Variants in CADM1 observed in about 807,000 individuals in gnomAD.
CADM1 encodes TSLC-1.
A neutral mutation model predicts 53.1 loss-of-function variants in CADM1; 15 were observed. The observed-to-expected ratio is 0.28, with a 90% confidence interval of 0.19 to 0.44. The LOEUF (loss-of-function observed/expected upper bound fraction) is 0.44. Ranked by LOEUF, CADM1 falls within the 20% of genes least tolerant of loss-of-function variation. The pLI is 1.00. For missense variants in CADM1, 434 were observed against 611.3 expected (o/e 0.71, Z 3.06); for synonymous variants, 281 against 243.0 (o/e 1.16, Z -1.45).
intron 1 of CADM1, among the ~76,000 whole-genome samples, chr11:115,319,928 G>A (rs905644842): frequency 6.6e-6 from 1 of 152,074 alleles, no homozygotes. Context: ...TTATCTTCCT[G>A]TTGGGGCCTT....
At chr11:115,433,947 A>G (rs1404561900) in intron 1 of CADM1, among the ~76,000 whole-genome samples, 1 of 152,234 alleles carries the variant, frequency 6.6e-6, no homozygotes, top group Non-Finnish European at 1.5e-5. Context: ...CAATGTTTCA[A>G]ATAGCCCCCT....
intron 1 of CADM1, among the ~76,000 whole-genome samples, chr11:115,295,837 T>C (rs1353157956): frequency 1.3e-5 from 2 of 152,080 alleles, no homozygotes; most frequent in Non-Finnish European, 2.9e-5. Context: ...TGCTGGTCCT[T>C]CTATTTAGAA....
At position 115,173,689 on chromosome 11, in the gene CADM1, C is replaced by CTTT; in HGVS notation, c.*2782_*2784dup. 1.9e-4 allele frequency: 89 copies of CTTT among 468,916 alleles called. No homozygotes were observed. The highest frequency in any genetic ancestry group is 2.3e-4 in the Non-Finnish European group (82 of 361,732). The allele number at this position is 468,916 out of a possible 1,614,324, so 29.0% of individuals were successfully genotyped here. A position where few individuals can be genotyped will look rare whatever the true frequency, so the allele number is the denominator to read the frequency against. On this transcript the variant is annotated 3_prime_UTR_variant, in exon 12 of 12. Coordinates refer to ENST00000331581, the MANE Select transcript of CADM1 (RefSeq NM_001301043.2). Reference sequence around the variant, plus strand: ...ATATTTTATAGTACTTCTTTTTTTTCTTTTTTTTTTTGTAAAAATGGTATA... The same window carrying CTTT: ...ATATTTTATAGTACTTCTTTTTTTTCTTTTTTTTTTTTTTGTAAAAATGGTATA...
chr11:115,202,685 A>T (rs1345346619), intron 8 of CADM1, among the ~76,000 whole-genome samples: 1 of 152,162 alleles, frequency 6.6e-6, no homozygotes, highest in African/African-American at 2.4e-5. Flanking sequence ...TTATTTTCTT[A>T]ACTAAAGTCA....
chr11:115,194,671 C>T (rs746567913), intron 9 of CADM1, among the ~76,000 whole-genome samples: 10 of 151,952 alleles, frequency 6.6e-5, no homozygotes, highest in Admixed American at 2.0e-4. Flanking sequence ...AGAAGGGGCA[C>T]AGAGAGAAAG....
At chr11:115,356,674 A>G (rs776014089) in intron 1 of CADM1, among the ~76,000 whole-genome samples, 9 of 152,244 alleles carry the variant, frequency 5.9e-5, no homozygotes, top group African/African-American at 1.7e-4. Flanking sequence ...ACAGCAGTCC[A>G]TGTAAATCCC....
chr11:115,203,221 CCT>C (rs948006498), intron 8 of CADM1, among the ~76,000 whole-genome samples: 2 of 152,010 alleles, frequency 1.3e-5, no homozygotes, highest in Non-Finnish European at 2.9e-5. Context: ...CTGTTGTGCC[CCT>C]GAGATCTTTT....
chr11:115,418,989 G>T (rs1337155010), intron 1 of CADM1, among the ~76,000 whole-genome samples: 2 of 152,150 alleles, frequency 1.3e-5, no homozygotes, highest in Non-Finnish European at 2.9e-5. Context: ...ACTGTTAATT[G>T]GGTCCCATAA....
At chr11:115,337,614 T>C (rs1241712534) in intron 1 of CADM1, among the ~76,000 whole-genome samples, 2 of 152,152 alleles carry the variant, frequency 1.3e-5, no homozygotes, top group South Asian at 4.2e-4. Flanking sequence ...TGTTTAACGT[T>C]TGATATGCAT....
chr11:115,231,671 C>G (rs1433126381), intron 3 of CADM1, among the ~76,000 whole-genome samples, 181 bp from the exon 4 acceptor site: 1 of 152,124 alleles, frequency 6.6e-6, no homozygotes, highest in Non-Finnish European at 1.5e-5. Context: ...TTTAGAATTT[C>G]TATCCTAAAT....
At chr11:115,290,782 T>C (rs978015386) in intron 1 of CADM1, among the ~76,000 whole-genome samples, 8 of 152,130 alleles carry the variant, frequency 5.3e-5, no homozygotes, top group Non-Finnish European at 1.0e-4. Context: ...TTGTTGGCTA[T>C]GGAAAGTAAG....
Position 115,230,274 on chromosome 11 carries a change from C to T in CADM1, c.563-1003G>A, listed in dbSNP as rs139812135. On this transcript the variant is annotated intron_variant, in intron 4 of 11. Transcript: ENST00000331581. Reference sequence around the variant, plus strand: ...AAAGGGCTGATTCTTTCATTTCTCACGCTCTTTATTTATTTAACAAGCACA... The same window carrying T: ...AAAGGGCTGATTCTTTCATTTCTCATGCTCTTTATTTATTTAACAAGCACA... Among the ~76,000 whole-genome samples, 13 of 152,250 alleles carry T rather than the reference C, an allele frequency of 8.5e-5. 1 individual carries two copies. The highest frequency in any genetic ancestry group is 4.2e-4 in the South Asian group (2 of 4,818).
chr11:115,392,965 A>G (rs7129082), intron 1 of CADM1, among the ~76,000 whole-genome samples: 49,297 of 148,956 alleles, frequency 0.33, 9,211 homozygotes, highest in Non-Finnish European at 0.43. Flanking sequence ...CCCAGGGAGG[A>G]TCTCTTGGGC....
At chr11:115,256,917 G>C (rs1942807750) in intron 1 of CADM1, 2 of 455,734 alleles carry the variant, frequency 4.4e-6, no homozygotes, top group Non-Finnish European at 8.8e-6. Context: ...GTTTCAGAGA[G>C]AATAACATTC....
intron 1 of CADM1, among the ~76,000 whole-genome samples, chr11:115,294,627 A>T (rs1375639717): frequency 2.6e-5 from 4 of 152,066 alleles, no homozygotes; most frequent in Non-Finnish European, 4.4e-5. Context: ...GAGGGTTCTT[A>T]TAAGGTAATA....
intron 1 of CADM1, among the ~76,000 whole-genome samples, chr11:115,289,946 A>C (rs1347613385): frequency 1.3e-5 from 2 of 152,216 alleles, no homozygotes; most frequent in African/African-American, 4.8e-5. Context: ...AATAGCCATA[A>C]GGGCTAAGTG....
intron 7 of CADM1, among the ~76,000 whole-genome samples, chr11:115,211,503 G>C (rs1428184264): frequency 9.9e-6 from 1 of 101,492 alleles, no homozygotes; most frequent in East Asian, 2.9e-4. Flanking sequence ...TTTTTTAGAC[G>C]GAGTCTTGCT....
intron 1 of CADM1, among the ~76,000 whole-genome samples, chr11:115,449,489 A>C (rs901312905): frequency 2.0e-5 from 3 of 152,166 alleles, no homozygotes; most frequent in African/African-American, 7.2e-5. Flanking sequence ...TTTGCACTTA[A>C]GGTCAGTCCT....
At chr11:115,480,806 C>T (rs1238001643) in intron 1 of CADM1, among the ~76,000 whole-genome samples, 1 of 152,102 alleles carries the variant, frequency 6.6e-6, no homozygotes, top group African/African-American at 2.4e-5. Flanking sequence ...AGAAGGTTCT[C>T]CCTCCCTCCA....
Sources: allele counts gnomAD v4.1 joint callset (sites outside exome capture counted in the v4.1 genomes callset), GRCh38; gene constraint gnomAD v4.1.1; transcripts MANE v1.5; gene names NCBI Gene and HGNC (gene_info 2026-07-23, HGNC 2026-07-21).